SASH1: variants seen among roughly 807,000 people sequenced by gnomAD.
The protein encoded by SASH1 is SAM and SH3 domain containing 1, also known as SAM and SH3 domain-containing protein 1.
Under a neutral mutation model 125.2 loss-of-function variants are expected in SASH1, and 44 were observed. The ratio of observed to expected loss-of-function variants is 0.35; its 90% CI spans 0.28 to 0.45. The LOEUF (loss-of-function observed/expected upper bound fraction) is 0.45. Among genes scored for constraint, SASH1 ranks in the 20% least tolerant of loss-of-function variants. SASH1 has a pLI of 1.00. For missense variants in SASH1, 1,426 were observed against 1,614.5 expected, an observed-to-expected ratio of 0.88 and a Z score of 2.00; for synonymous variants, 639 against 649.1, an observed-to-expected ratio of 0.98 and a Z score of 0.24.
At chr6:148,434,225 C>T (rs1053224079) in intron 2 of SASH1, among the ~76,000 whole-genome samples, 5 of 151,566 alleles carry the variant, frequency 3.3e-5, no homozygotes, top group South Asian at 2.1e-4. Flanking sequence ...TACAGGCGCC[C>T]GCCACCACGC....
chr6:148,473,721 C>T (rs1778218111), intron 6 of SASH1, among the ~76,000 whole-genome samples: 1 of 152,170 alleles, frequency 6.6e-6, no homozygotes, highest in Non-Finnish European at 1.5e-5. Flanking sequence ...CACAAAGAAC[C>T]CACAGCTGAA....
At chr6:148,355,742 C>T (rs1010338340) in intron 1 of SASH1, among the ~76,000 whole-genome samples, 1 of 152,166 alleles carries the variant, frequency 6.6e-6, no homozygotes, top group Admixed American at 6.6e-5. Flanking sequence ...TACCAGGTCA[C>T]ATCCCTTAAT....
chr6:148,219,306 G>A, the SASH1 span, among the ~76,000 whole-genome samples: 11 of 152,082 alleles, frequency 7.2e-5, no homozygotes, highest in East Asian at 7.7e-4. Context: ...TTGCAGTAAC[G>A]TTGCCAATCT....
intron 10 of SASH1, among the ~76,000 whole-genome samples, chr6:148,524,056 A>G (rs1316699757): frequency 1.3e-5 from 2 of 148,720 alleles, no homozygotes; most frequent in Non-Finnish European, 3.0e-5. Context: ...AAATGTAGGC[A>G]TTTTCCTTCT....
chr6:148,442,157 T>G (rs1036153779), intron 4 of SASH1, among the ~76,000 whole-genome samples: 1 of 151,918 alleles, frequency 6.6e-6, no homozygotes, highest in South Asian at 2.1e-4. Context: ...GAGGCTGAGG[T>G]GGGAGGATCA....
At position 148,490,042 on chromosome 6, in the gene SASH1, C is replaced by CAAGATCA. The variant is rs1258952851; in HGVS notation, c.729+2328_729+2334dup. Among the ~76,000 whole-genome samples the CAAGATCA allele has an allele frequency of 4.7e-5, 6 of 127,898 alleles. No individual in the cohort carries two copies. The East Asian group carries it at 1.4e-3, about 29-fold the overall frequency. The allele number at this position is 127,898 out of a possible 152,430, so 83.9% of individuals were successfully genotyped here. A position where few individuals can be genotyped will look rare whatever the true frequency, so the allele number is the denominator to read the frequency against. ...AAAAAAAAAAAAAAAAACAAGAAAACAAGATCATGTCTTCTGCAAAAAATA... is the reference window on the plus strand; with the variant it reads ...AAAAAAAAAAAAAAAAACAAGAAAACAAGATCAAAGATCATGTCTTCTGCAAAAAATA... On this transcript the variant is annotated intron_variant, in intron 8 of 19. Transcript: ENST00000367467.
At chr6:148,391,684 G>T (rs1269258286) in intron 2 of SASH1, among the ~76,000 whole-genome samples, 3 of 152,082 alleles carry the variant, frequency 2.0e-5, no homozygotes, top group African/African-American at 7.2e-5. Flanking sequence ...TAGCATAGGT[G>T]CTATATATAT....
At chr6:148,517,116 A>G (rs1780485258) in intron 9 of SASH1, among the ~76,000 whole-genome samples, 1 of 152,218 alleles carries the variant, frequency 6.6e-6, no homozygotes, top group Admixed American at 6.5e-5. Context: ...CAGTTCATAC[A>G]GCACTTTCAC....
intron 2 of SASH1, among the ~76,000 whole-genome samples, chr6:148,404,739 C>T (rs1246001211): frequency 9.4e-6 from 1 of 106,362 alleles, no homozygotes; most frequent in Non-Finnish European, 1.9e-5. Flanking sequence ...CCCCACCGTT[C>T]CCCTCTCCCA....
the SASH1 span, among the ~76,000 whole-genome samples, chr6:148,244,959 T>TGTGAGA: frequency 2.3e-4 from 27 of 119,236 alleles, no homozygotes; most frequent in Middle Eastern, 4.6e-3. Flanking sequence ...TGTGTGTGTG[T>TGTGAGA]GAGAGAGAGA....
chr6:148,249,215 G>A, the SASH1 span, among the ~76,000 whole-genome samples: 1 of 152,144 alleles, frequency 6.6e-6, no homozygotes, highest in Non-Finnish European at 1.5e-5. Flanking sequence ...CTAGAGCAGT[G>A]GATGACAATT....
upstream of SASH1, among the ~76,000 whole-genome samples, chr6:148,268,446 A>G (rs1461831398): frequency 6.6e-6 from 1 of 152,242 alleles, no homozygotes; most frequent in African/African-American, 2.4e-5. Context: ...TATGTCGCAG[A>G]AAAGTGGAAA....
intron 4 of SASH1, among the ~76,000 whole-genome samples, chr6:148,452,672 C>T (rs780764859): frequency 2.7e-5 from 4 of 150,834 alleles, no homozygotes; most frequent in Non-Finnish European, 4.4e-5. Context: ...CTGCCTGGCA[C>T]GCGATAGGTG....
In SASH1 at chr6:148,446,088, C is replaced by CTTTT. The variant is rs576798745; in HGVS notation, c.386+5716_386+5719dup. On this transcript the variant is annotated intron_variant, in intron 4 of 19. Transcript: ENST00000367467. ...TTGCTATCCTGAACAACATAGGGTT[C>CTTTT]TTTTTTTTTTTTTTTTTTTTTTTTT... Among the ~76,000 whole-genome samples, 4 of 71,012 alleles carry CTTTT rather than the reference C, an allele frequency of 5.6e-5. 1 individual carries two copies. Among genetic ancestry groups the CTTTT allele is most frequent in the South Asian group, 7.5e-4 (1 of 1,326 alleles). 46.6% of individuals were successfully genotyped at this position (71,012 alleles called of 152,430 possible).
intron 19 of SASH1, among the ~76,000 whole-genome samples, chr6:148,547,353 A>G (rs962526656): frequency 6.6e-6 from 1 of 152,292 alleles, no homozygotes; most frequent in East Asian, 1.9e-4. Flanking sequence ...CAGGTGGGAC[A>G]GAGCTGGGTG....
the SASH1 span, among the ~76,000 whole-genome samples, chr6:148,226,576 G>A: frequency 6.6e-6 from 1 of 152,158 alleles, no homozygotes; most frequent in Non-Finnish European, 1.5e-5. Flanking sequence ...CGCGAAGTGG[G>A]GCACCTCCGG....
chr6:148,332,016 C>G (rs923767564), intron 1 of SASH1, among the ~76,000 whole-genome samples: 1 of 152,146 alleles, frequency 6.6e-6, no homozygotes, highest in African/African-American at 2.4e-5. Context: ...ATCCCTGCAG[C>G]CTCACTTTGT....
intron 1 of SASH1, among the ~76,000 whole-genome samples, chr6:148,371,259 C>T (rs1168132261): frequency 6.6e-6 from 1 of 151,762 alleles, no homozygotes; most frequent in Non-Finnish European, 1.5e-5. Context: ...TGAATTATAT[C>T]TATGGAGCAC....
Position 148,517,519 on chromosome 6 carries a change from C to T in SASH1, c.863-2028C>T, listed in dbSNP as rs147851267. ...TCAAGTCAGAGAAGGATGGGAGAAGCGATGCTCCAAGTTCAAGCCATCCAG... is the reference window on the plus strand; with the variant it reads ...TCAAGTCAGAGAAGGATGGGAGAAGTGATGCTCCAAGTTCAAGCCATCCAG... On this transcript the variant is annotated intron_variant, in intron 9 of 19. Transcript: ENST00000367467. Among the ~76,000 whole-genome samples the T allele has an allele frequency of 1.8e-4, 28 of 152,236 alleles. No individual in the cohort carries two copies. In the East Asian group the frequency reaches 3.7e-3, roughly 20 times the overall value.
Sources: allele counts gnomAD v4.1 joint callset (sites outside exome capture counted in the v4.1 genomes callset), GRCh38; gene constraint gnomAD v4.1.1; transcripts MANE v1.5; gene names NCBI Gene and HGNC (gene_info 2026-07-23, HGNC 2026-07-21).